Variants in FAM171A1 observed in about 807,000 individuals in gnomAD.
The protein encoded by FAM171A1 is family with sequence similarity 171 member A1, also known as protein FAM171A1.
A neutral mutation model predicts 74.9 loss-of-function variants in FAM171A1; 23 were observed. The observed-to-expected ratio is 0.31, with a 90% CI of 0.22 to 0.44. The LOEUF (loss-of-function observed/expected upper bound fraction) is 0.44, where lower values mean the gene tolerates loss of function less well. Ranked by LOEUF, FAM171A1 falls within the 20% of genes least tolerant of loss-of-function variation. FAM171A1 has a pLI of 1.00. For synonymous variants in FAM171A1, 527 were observed against 505.7 expected, an observed-to-expected ratio of 1.04 and a Z score of -0.57; for missense variants, 1,162 against 1,159.2, an observed-to-expected ratio of 1.00 and a Z score of -0.03.
At chr10:15,310,679 T>C (rs1307978821) in intron 1 of FAM171A1, among the ~76,000 whole-genome samples, 2 of 152,042 alleles carry the variant, frequency 1.3e-5, no homozygotes, top group African/African-American at 2.4e-5. Flanking sequence ...CTGGCCAACA[T>C]GGTGAAACCC....
chr10:15,306,203 C>T (rs901568384), intron 1 of FAM171A1, among the ~76,000 whole-genome samples: 21 of 152,182 alleles, frequency 1.4e-4, no homozygotes, highest in African/African-American at 4.8e-4. Flanking sequence ...TTTTAAGTTA[C>T]AGATTTCAAT....
At chr10:15,312,205 C>A (rs746567094) in intron 1 of FAM171A1, among the ~76,000 whole-genome samples, 2 of 152,120 alleles carry the variant, frequency 1.3e-5, no homozygotes, top group African/African-American at 2.4e-5. Context: ...TCAAAAGCCC[C>A]CTGCTTATAA....
At chr10:15,301,865 T>C (rs1202528484) in intron 1 of FAM171A1, among the ~76,000 whole-genome samples, 1 of 152,178 alleles carries the variant, frequency 6.6e-6, no homozygotes, top group East Asian at 1.9e-4. Flanking sequence ...TTAGACCTTT[T>C]TCATAGTTCT....
intron 1 of FAM171A1, among the ~76,000 whole-genome samples, chr10:15,318,541 C>T (rs1042774266): frequency 1.3e-5 from 2 of 152,210 alleles, no homozygotes; most frequent in East Asian, 3.8e-4. Flanking sequence ...TCCCGGGTGA[C>T]AGAAATCTTG....
intron 5 of FAM171A1, among the ~76,000 whole-genome samples, chr10:15,228,090 C>G (rs1834132354): frequency 6.6e-6 from 1 of 152,154 alleles, no homozygotes. Context: ...AAAACAATGT[C>G]TAATTTGAAT....
At chr10:15,312,838 C>T (rs1257918298) in intron 1 of FAM171A1, among the ~76,000 whole-genome samples, 1 of 151,416 alleles carries the variant, frequency 6.6e-6, no homozygotes, top group African/African-American at 2.4e-5. Flanking sequence ...GCTGGGATTA[C>T]AGGCCCACCA....
intron 3 of FAM171A1, among the ~76,000 whole-genome samples, chr10:15,275,039 G>A (rs954109099): frequency 6.6e-6 from 1 of 152,110 alleles, no homozygotes; most frequent in African/African-American, 2.4e-5. Context: ...ACTCATAGGT[G>A]GGAAATGAAC....
At chr10:15,281,896 T>C (rs575496131) in intron 2 of FAM171A1, among the ~76,000 whole-genome samples, 2 of 152,224 alleles carry the variant, frequency 1.3e-5, no homozygotes, top group South Asian at 4.2e-4. Context: ...ATGATGGGAA[T>C]GGTTTTTCTC....
intron 3 of FAM171A1, among the ~76,000 whole-genome samples, chr10:15,262,016 C>G (rs1305826408): frequency 6.6e-6 from 1 of 152,150 alleles, no homozygotes; most frequent in East Asian, 1.9e-4. Context: ...TCCAGAGACA[C>G]AGGCAAGAGA....
Position 15,212,963 on chromosome 10 carries a change from G to A in FAM171A1, c.2625C>T (p.Pro875=), listed in dbSNP as rs754108928. The A allele has an allele frequency of 3.1e-6, 5 of 1,614,108 alleles. No individual in the cohort carries two copies. The Middle Eastern group carries it at 6.6e-4, about 213-fold the overall frequency. Residue 875 remains proline, a synonymous_variant, in exon 8 of 8, where the codon CCC becomes CCT. Coordinates refer to ENST00000378116, the MANE Select transcript of FAM171A1 (RefSeq NM_001010924.2). ...DDDQGEDKKS[P]WQKREERPLM... ...GGGGCCTCTCCTCCCGTTTCTGCCA[G>A]GGGCTTTTCTTGTCTTCTCCTTGGT...
At chr10:15,259,451 A>C (rs1285138508) in intron 3 of FAM171A1, among the ~76,000 whole-genome samples, 1 of 151,642 alleles carries the variant, frequency 6.6e-6, no homozygotes, top group Non-Finnish European at 1.5e-5. Flanking sequence ...CAATGATGAC[A>C]AAAAAAACAA....
intron 1 of FAM171A1, among the ~76,000 whole-genome samples, chr10:15,354,239 TA>T (rs1835908944): frequency 1.3e-5 from 2 of 152,060 alleles, no homozygotes; most frequent in Admixed American, 1.3e-4. Flanking sequence ...CTCACACTTG[TA>T]ATCCCAGCAG....
At chr10:15,310,526 T>C (rs1835347622) in intron 1 of FAM171A1, among the ~76,000 whole-genome samples, 1 of 152,104 alleles carries the variant, frequency 6.6e-6, no homozygotes, top group Admixed American at 6.5e-5. Context: ...AAATGTTCTC[T>C]CCAACTGACC....
At chr10:15,347,834 C>CA (rs71390034) in intron 1 of FAM171A1, among the ~76,000 whole-genome samples, 1,911 of 94,154 alleles carry the variant, frequency 0.02, 74 homozygotes, top group African/African-American at 0.06. Context: ...GACTCCATCT[C>CA]AAAAAAAAAA....
At chr10:15,227,937 C>T (rs771452013) in intron 5 of FAM171A1, among the ~76,000 whole-genome samples, 7 of 152,126 alleles carry the variant, frequency 4.6e-5, no homozygotes, top group African/African-American at 1.4e-4. Flanking sequence ...TCCCAGCAAT[C>T]GCCAAGTGTG....
intron 1 of FAM171A1, among the ~76,000 whole-genome samples, chr10:15,320,085 A>G (rs974970759): frequency 1.3e-5 from 2 of 152,160 alleles, no homozygotes; most frequent in Non-Finnish European, 2.9e-5. Context: ...GGTAATGAAC[A>G]TAGTCCCCAA....
chr10:15,270,500 G>A (rs1156525355), intron 3 of FAM171A1, among the ~76,000 whole-genome samples: 2 of 152,216 alleles, frequency 1.3e-5, no homozygotes, highest in Non-Finnish European at 2.9e-5. Flanking sequence ...AGACTTAAAC[G>A]TCCCTGTTTG....
chr10:15,301,362 A>ATATTTT (rs575709720), intron 1 of FAM171A1, among the ~76,000 whole-genome samples: 8 of 141,562 alleles, frequency 5.7e-5, no homozygotes, highest in African/African-American at 1.8e-4. Flanking sequence ...ATATATATAT[A>ATATTTT]TTTTTTTTTT....
At chr10:15,325,655 G>A (rs1164858624) in intron 1 of FAM171A1, among the ~76,000 whole-genome samples, 2 of 152,150 alleles carry the variant, frequency 1.3e-5, no homozygotes, top group Non-Finnish European at 2.9e-5. Flanking sequence ...TGGGCCCCAC[G>A]GAGTAGAATC....
Sources: allele counts gnomAD v4.1 joint callset (sites outside exome capture counted in the v4.1 genomes callset), GRCh38; gene constraint gnomAD v4.1.1; transcripts MANE v1.5; gene names NCBI Gene and HGNC (gene_info 2026-07-23, HGNC 2026-07-21).